ARMC9: variants seen among roughly 807,000 people sequenced by gnomAD.
ARMC9 encodes the protein armadillo repeat containing 9.
Under a neutral mutation model 107.0 loss-of-function variants are expected in ARMC9, and 94 were observed. The ratio of observed to expected loss-of-function variants is 0.88; its 90% confidence interval spans 0.74 to 1.04. The LOEUF is 1.04. Among genes scored for constraint, ARMC9 ranks in the 50% least tolerant of loss-of-function variants. The pLI, the probability that ARMC9 is intolerant of heterozygous loss-of-function variation, is 0.00. For synonymous variants in ARMC9, 380 were observed against 396.9 expected (o/e 0.96, Z 0.51); for missense variants, 942 against 1,030.1 (o/e 0.91, Z 1.17).
chr2:231,205,944 CCCTCTGCTGTGACTG>C (rs1484743320), intron 1 of ARMC9, among the ~76,000 whole-genome samples: 4 of 152,234 alleles, frequency 2.6e-5, no homozygotes, highest in Admixed American at 2.6e-4. Context: ...CTGCCCCCCT[CCCTCTGCTGTGACTG>C]CCTTGGGCCC....
chr2:231,307,350 A>C (rs998642295), intron 19 of ARMC9, among the ~76,000 whole-genome samples: 13 of 152,186 alleles, frequency 8.5e-5, no homozygotes, highest in Non-Finnish European at 1.5e-4. Context: ...TGGGGTGATT[A>C]GGGCAGGTGG....
chr2:231,266,118 A>G (rs563708529), intron 12 of ARMC9, among the ~76,000 whole-genome samples: 2 of 152,274 alleles, frequency 1.3e-5, no homozygotes, highest in African/African-American at 4.8e-5. Context: ...AGGTAAACTG[A>G]CCTGTACAGA....
chr2:231,282,010 G>A (rs762543470), intron 16 of ARMC9, 49 bp from the exon 17 acceptor site: 8 of 1,543,218 alleles, frequency 5.2e-6, no homozygotes, highest in Non-Finnish European at 7.2e-6. Context: ...ATAGAGTTGT[G>A]CAGTATTTGA....
In ARMC9 at chr2:231,358,511, C is replaced by T. The variant is rs1176941956; in HGVS notation, c.2132-2243C>T. On this transcript the variant is annotated intron_variant, in intron 22 of 24. Coordinates refer to ENST00000611582, the MANE Select transcript of ARMC9 (RefSeq NM_001352754.2). This position sits in a 1 kb window ranked among gnomAD's most constrained non-coding sequence, Gnocchi z 4.5. ...GGCCCCCTCCACTTCCCTTCTCTCA[C>T]TCACCTTGCCCCAGGCCCATCCTGG... is the stretch of plus-strand genomic sequence containing the variant. Among the ~76,000 whole-genome samples the T allele has an allele frequency of 6.6e-6, 1 of 152,178 alleles. No homozygotes were observed. Among genetic ancestry groups the T allele is most frequent in the Non-Finnish European group, 1.5e-5 (1 of 68,036 alleles).
At position 231,198,710 on chromosome 2, in the gene ARMC9, C is replaced by T. The variant is rs920307790; in HGVS notation, c.-42+12C>T. Reference sequence around the variant, plus strand: ...CGGCCGAGCAGCAGGTAAGCGCGTCCCCGGATGCAGCCGGGCCACCCTCCG... The same window carrying T: ...CGGCCGAGCAGCAGGTAAGCGCGTCTCCGGATGCAGCCGGGCCACCCTCCG... On this transcript the variant is annotated intron_variant, in intron 1 of 24. Transcript: ENST00000611582. 7 of 152,280 alleles carry T rather than the reference C, an allele frequency of 4.6e-5. No individual in the cohort carries two copies. Among genetic ancestry groups the T allele is most frequent in the Admixed American group, 6.5e-5 (1 of 15,280 alleles). The allele number at this position is 152,280 out of a possible 1,614,324, so 9.4% of individuals were successfully genotyped here. A position where few individuals can be genotyped will look rare whatever the true frequency, so the allele number is the denominator to read the frequency against.
chr2:231,242,307 C>G (rs1393094567), intron 9 of ARMC9, among the ~76,000 whole-genome samples: 1 of 152,160 alleles, frequency 6.6e-6, no homozygotes, highest in Non-Finnish European at 1.5e-5. Flanking sequence ...TTGACCACTT[C>G]CTCTCAGCCT....
chr2:231,355,669 T>C (rs2045310800), intron 21 of ARMC9, 129 bp from the exon 22 acceptor site: 2 of 1,169,268 alleles, frequency 1.7e-6, no homozygotes, highest in African/African-American at 1.5e-5. Flanking sequence ...AGGTCTGATA[T>C]GCTAATGATG....
At chr2:231,355,575 G>A (rs748293560) in intron 21 of ARMC9, among the ~76,000 whole-genome samples, 34 of 152,238 alleles carry the variant, frequency 2.2e-4, no homozygotes, top group Non-Finnish European at 4.3e-4. Context: ...GTATCACTGT[G>A]AATACAGAAG....
chr2:231,260,236 A>G (rs2038206912), intron 11 of ARMC9, among the ~76,000 whole-genome samples: 1 of 152,196 alleles, frequency 6.6e-6, no homozygotes, highest in Admixed American at 6.5e-5. Flanking sequence ...GTCACACTTC[A>G]TATAGCCTCC....
At chr2:231,312,678 A>G (rs1278356024) in intron 19 of ARMC9, among the ~76,000 whole-genome samples, 1 of 143,870 alleles carries the variant, frequency 7.0e-6, no homozygotes, top group Non-Finnish European at 1.5e-5. Context: ...ACTGACATTT[A>G]TGTTGGCCCT....
intron 9 of ARMC9, among the ~76,000 whole-genome samples, chr2:231,250,592 A>G (rs1002284278): frequency 1.3e-5 from 2 of 152,168 alleles, no homozygotes; most frequent in African/African-American, 2.4e-5. Context: ...GATGCTGGAA[A>G]TGGTCCCTGA....
chr2:231,257,114 C>T (rs756374001), intron 10 of ARMC9, among the ~76,000 whole-genome samples: 1 of 152,208 alleles, frequency 6.6e-6, no homozygotes, highest in Admixed American at 6.5e-5. Flanking sequence ...CGCGCCTGGC[C>T]ATCTTATATT....
chr2:231,239,110 G>GTA (rs1402267856), intron 8 of ARMC9, among the ~76,000 whole-genome samples: 1 of 152,182 alleles, frequency 6.6e-6, no homozygotes. Flanking sequence ...GTGGAAGGGT[G>GTA]TACACTTTTT....
intron 19 of ARMC9, among the ~76,000 whole-genome samples, chr2:231,316,629 C>T (rs2042697286): frequency 6.6e-6 from 1 of 150,618 alleles, no homozygotes; most frequent in Non-Finnish European, 1.5e-5. Context: ...CATACCACTG[C>T]ACTCCAGCCT....
intron 1 of ARMC9, among the ~76,000 whole-genome samples, chr2:231,201,924 C>T (rs993046760): frequency 6.6e-6 from 1 of 151,552 alleles, no homozygotes; most frequent in African/African-American, 2.4e-5. Flanking sequence ...TCCCACCCTC[C>T]CTTCCGTTCC....
chr2:231,372,356 G>A lies in ARMC9; in HGVS notation c.*821G>A, dbSNP rs149180395. On this transcript the variant is annotated 3_prime_UTR_variant, in exon 25 of 25. Transcript: ENST00000611582. ...TGCACTCTAGCCTGGGTGACAGAGC[G>A]AGACTCCGTCCCCAAAAAAAAAATT... The A allele has an allele frequency of 0.022, 3,385 of 152,326 alleles. 59 individuals are homozygous for A. The highest frequency in any genetic ancestry group is 0.032 in the Non-Finnish European group (2,180 of 68,084). The allele number at this position is 152,326 out of a possible 1,614,324, so 9.4% of individuals were successfully genotyped here. A position where few individuals can be genotyped will look rare whatever the true frequency, so the allele number is the denominator to read the frequency against.
At chr2:231,207,710 G>A (rs774866118) in intron 2 of ARMC9, among the ~76,000 whole-genome samples, 2 of 152,168 alleles carry the variant, frequency 1.3e-5, no homozygotes, top group African/African-American at 2.4e-5. Flanking sequence ...TCCTGACCTC[G>A]TGATCCACCC....
chr2:231,274,391 C>G (rs970884887), intron 14 of ARMC9, among the ~76,000 whole-genome samples: 2 of 152,116 alleles, frequency 1.3e-5, no homozygotes, highest in African/African-American at 4.8e-5. Context: ...GCTGGGATTA[C>G]AGGTGTGAGC....
chr2:231,236,633 A>T (rs13389176), intron 8 of ARMC9, among the ~76,000 whole-genome samples: 1 of 152,198 alleles, frequency 6.6e-6, no homozygotes, highest in African/African-American at 2.4e-5. Flanking sequence ...CTCTGTCACT[A>T]AAAATATACA....
Sources: gnomAD v4.1 joint callset for allele counts (sites outside exome capture counted in the v4.1 genomes callset) on GRCh38, gnomAD v4.1.1 for gene constraint, Gnocchi (gnomAD v3.1) non-coding constraint, MANE v1.5 for transcripts, NCBI Gene and HGNC (gene_info 2026-07-23, HGNC 2026-07-21) for gene names.